The following RAB3C variants were observed in gnomAD, a reference collection of about 807,000 sequenced individuals.
RAB3C encodes the protein RAB3C, member RAS oncogene family, also known as ras-related protein Rab-3C.
Under a neutral mutation model 26.4 loss-of-function variants are expected in RAB3C, and 17 were observed. That is an observed-to-expected ratio of 0.64 (90% confidence interval 0.44 to 0.97). RAB3C has a LOEUF of 0.97. RAB3C is among the 50% of genes least tolerant of loss of function. The pLI is 0.00. For synonymous variants in RAB3C, 91 were observed against 95.9 expected (o/e 0.95, Z 0.30); for missense variants, 242 against 281.9 (o/e 0.86, Z 1.01).
At chr5:58,744,705 C>T (rs1357807393) in intron 3 of RAB3C, among the ~76,000 whole-genome samples, 1 of 152,130 alleles carries the variant, frequency 6.6e-6, no homozygotes, top group Non-Finnish European at 1.5e-5. Context: ...TTTTAAAAAA[C>T]ATGGATATGA....
At chr5:58,673,382 C>A (rs537985720) in intron 2 of RAB3C, among the ~76,000 whole-genome samples, 2 of 151,856 alleles carry the variant, frequency 1.3e-5, no homozygotes, top group East Asian at 3.9e-4. Context: ...CAAGCCTGGT[C>A]CAATTTGGAA....
At chr5:58,619,011 G>T (rs566152838) in intron 2 of RAB3C, among the ~76,000 whole-genome samples, 1 of 152,144 alleles carries the variant, frequency 6.6e-6, no homozygotes, top group South Asian at 2.1e-4. Context: ...AAAGAAAACA[G>T]CCCTTTATTT....
intron 2 of RAB3C, among the ~76,000 whole-genome samples, chr5:58,630,877 T>C (rs1307846038): frequency 6.6e-6 from 1 of 152,090 alleles, no homozygotes; most frequent in South Asian, 2.1e-4. Context: ...TTTATAGAGG[T>C]CTGTCTTGAT....
intron 3 of RAB3C, among the ~76,000 whole-genome samples, chr5:58,824,230 G>A (rs572252892): frequency 2.0e-5 from 3 of 151,532 alleles, no homozygotes; most frequent in South Asian, 2.1e-4. Context: ...TAGTCCTTTG[G>A]GTATATACCC....
intron 1 of RAB3C, among the ~76,000 whole-genome samples, chr5:58,615,386 A>G (rs1390425875): frequency 6.6e-6 from 1 of 152,156 alleles, no homozygotes; most frequent in Non-Finnish European, 1.5e-5. Flanking sequence ...TAATCTTCTT[A>G]ATGAAGGCCA....
At chr5:58,692,410 T>G (rs1373178068) in intron 2 of RAB3C, among the ~76,000 whole-genome samples, 2 of 152,138 alleles carry the variant, frequency 1.3e-5, no homozygotes, top group Admixed American at 1.3e-4. Flanking sequence ...GAAGGATAGG[T>G]AATGATATCT....
chr5:58,654,040 A>C (rs1747712077), intron 2 of RAB3C, among the ~76,000 whole-genome samples: 1 of 152,192 alleles, frequency 6.6e-6, no homozygotes, highest in Non-Finnish European at 1.5e-5. Flanking sequence ...TTTCTGACTA[A>C]TTTAATGTTT....
chr5:58,829,605 CATT>C (rs1269622334), intron 4 of RAB3C, among the ~76,000 whole-genome samples: 1 of 152,156 alleles, frequency 6.6e-6, no homozygotes, highest in African/African-American at 2.4e-5. Context: ...GAGGAGAAGT[CATT>C]ATTAATAATT....
intron 2 of RAB3C, among the ~76,000 whole-genome samples, chr5:58,627,142 A>G (rs1036216902): frequency 1.3e-5 from 2 of 152,198 alleles, no homozygotes; most frequent in African/African-American, 4.8e-5. Context: ...GCCCTGCCCT[A>G]GAGCAAAACA....
At chr5:58,633,355 A>G (rs1747223891) in intron 2 of RAB3C, among the ~76,000 whole-genome samples, 1 of 152,182 alleles carries the variant, frequency 6.6e-6, no homozygotes, top group African/African-American at 2.4e-5. Flanking sequence ...AAGAGCCCAT[A>G]AAGTCTCTTA....
chr5:58,628,156 C>CA (rs58277302), intron 2 of RAB3C, among the ~76,000 whole-genome samples: 28,912 of 71,370 alleles, frequency 0.41, 6,906 homozygotes, highest in East Asian at 0.54. Flanking sequence ...GACTCCGTCT[C>CA]AAAAAAAAAA....
chr5:58,583,265 G>T, intron 1 of RAB3C, 33 bp downstream of exon 1: 4 of 1,613,854 alleles, frequency 2.5e-6, no homozygotes, highest in Non-Finnish European at 3.4e-6. Context: ...GCCTCGGGAG[G>T]AATTGAAAGA....
chr5:58,664,313 A>G (rs1222810817), intron 2 of RAB3C, among the ~76,000 whole-genome samples: 1 of 152,334 alleles, frequency 6.6e-6, no homozygotes, highest in Non-Finnish European at 1.5e-5. Context: ...ACTATTGATA[A>G]CACAGTAACC....
intron 2 of RAB3C, among the ~76,000 whole-genome samples, chr5:58,712,124 A>G (rs1012691059): frequency 7.9e-5 from 12 of 152,140 alleles, no homozygotes; most frequent in Admixed American, 2.6e-4. Flanking sequence ...CCTGGAGCTT[A>G]CTTCAGCTTA....
chr5:58,721,204 T>A (rs1740749133), intron 2 of RAB3C, among the ~76,000 whole-genome samples: 1 of 149,288 alleles, frequency 6.7e-6, no homozygotes, highest in Non-Finnish European at 1.5e-5. Flanking sequence ...AAAAACATGA[T>A]TAGGAAATCA....
chr5:58,745,531 G>A (rs191452452), intron 3 of RAB3C, among the ~76,000 whole-genome samples: 33 of 150,674 alleles, frequency 2.2e-4, no homozygotes, highest in Admixed American at 1.3e-3. Context: ...TCTTCCATCA[G>A]AACAAAGGGC....
intron 3 of RAB3C, among the ~76,000 whole-genome samples, chr5:58,729,783 T>A (rs1397424836): frequency 6.9e-6 from 1 of 145,842 alleles, no homozygotes; most frequent in African/African-American, 2.5e-5. Context: ...ATACTATATG[T>A]ATATTTATAT....
Position 58,834,794 on chromosome 5 carries a change from A to G in RAB3C, c.496+9632A>G, listed in dbSNP as rs1251321393. 1.2e-4 allele frequency among the ~76,000 whole-genome samples: 19 copies of G among 152,302 alleles called. No homozygotes were observed. The South Asian group carries it at 3.9e-3, about 32-fold the overall frequency. On this transcript the variant is annotated intron_variant, in intron 4 of 4. Transcript: ENST00000282878. The stretch of plus-strand genomic sequence containing the variant: ...GGTTGGTTTAGGTGTGGTCATATCC[A>G]TGGGCTGGGAAGGGAAGGGACTGCT...
At chr5:58,588,667 A>T (rs1480490797) in intron 1 of RAB3C, among the ~76,000 whole-genome samples, 2 of 152,000 alleles carry the variant, frequency 1.3e-5, no homozygotes, top group Non-Finnish European at 2.9e-5. Context: ...TCATATTCTA[A>T]ATAGTGCCTT....
Sources: allele counts gnomAD v4.1 joint callset (sites outside exome capture counted in the v4.1 genomes callset), GRCh38; gene constraint gnomAD v4.1.1; transcripts MANE v1.5; gene names NCBI Gene and HGNC (gene_info 2026-07-23, HGNC 2026-07-21).